SCN11A: variants seen among roughly 807,000 people sequenced by gnomAD.
SCN11A encodes sodium channel protein type 11 subunit alpha.
SCN11A carries 122 observed loss-of-function variants against 162.2 expected under a neutral mutation model. The observed-to-expected ratio is 0.75, with a 90% confidence interval of 0.65 to 0.87. The LOEUF (loss-of-function observed/expected upper bound fraction) is 0.87. Ranked by LOEUF, SCN11A falls within the 40% of genes least tolerant of loss-of-function variation. The pLI is 0.00. For missense variants in SCN11A, 2,015 were observed against 2,181.6 expected, an observed-to-expected ratio of 0.92 and a Z score of 1.52; for synonymous variants, 758 against 751.5, an observed-to-expected ratio of 1.01 and a Z score of -0.14.
chr3:38,987,303 T>TCA (rs57092499), intron 2 of SCN11A, among the ~76,000 whole-genome samples: 5,692 of 104,332 alleles, frequency 0.055, 174 homozygotes, highest in Non-Finnish European at 0.075. Context: ...TCTCTCTCTC[T>TCA]CACACACACA....
At chr3:39,008,627 GC>G (rs1210209839) in intron 2 of SCN11A, among the ~76,000 whole-genome samples, 4 of 152,188 alleles carry the variant, frequency 2.6e-5, no homozygotes, top group Admixed American at 1.3e-4. Context: ...AGTGGCTCAT[GC>G]CTGTAATCCC....
At chr3:38,956,580 T>C (rs1259513262) in intron 3 of SCN11A, among the ~76,000 whole-genome samples, 1 of 152,182 alleles carries the variant, frequency 6.6e-6, no homozygotes, top group East Asian at 1.9e-4. Flanking sequence ...GTGCAGCAGA[T>C]AGTAACATCA....
chr3:38,966,066 T>C (rs1047828344), intron 2 of SCN11A, among the ~76,000 whole-genome samples: 9 of 152,236 alleles, frequency 5.9e-5, no homozygotes, highest in African/African-American at 2.2e-4. Flanking sequence ...GGCAGCTGGC[T>C]TAGTACCTGA....
chr3:38,903,682 A>G (rs1299127475), intron 16 of SCN11A, among the ~76,000 whole-genome samples, 183 bp downstream of exon 16: 2 of 152,160 alleles, frequency 1.3e-5, no homozygotes, highest in Non-Finnish European at 2.9e-5. Context: ...CTCAGGACAC[A>G]TGGACAGTTT....
chr3:39,047,377 C>T (rs529583786), intron 1 of SCN11A, among the ~76,000 whole-genome samples: 9 of 152,064 alleles, frequency 5.9e-5, no homozygotes, highest in Admixed American at 1.3e-4. Context: ...AAAATCAACA[C>T]GAAATGGATT....
At chr3:38,926,077 A>C (rs2066136131) in intron 8 of SCN11A, among the ~76,000 whole-genome samples, 1 of 152,242 alleles carries the variant, frequency 6.6e-6, no homozygotes, top group South Asian at 2.1e-4. Flanking sequence ...TGCCTGGTAC[A>C]TATTGAATGA....
At chr3:38,874,037 T>C (rs1414953841) in intron 23 of SCN11A, among the ~76,000 whole-genome samples, 1 of 152,148 alleles carries the variant, frequency 6.6e-6, no homozygotes, top group Non-Finnish European at 1.5e-5. Flanking sequence ...ACTGGGCAGA[T>C]GTGTGCATTT....
At chr3:39,013,594 T>C (rs1229588599) in intron 2 of SCN11A, among the ~76,000 whole-genome samples, 2 of 152,224 alleles carry the variant, frequency 1.3e-5, no homozygotes, top group African/African-American at 2.4e-5. Context: ...AGGATCAGCA[T>C]AGCCCACCCT....
At chr3:38,998,066 A>T (rs1360101645) in intron 2 of SCN11A, among the ~76,000 whole-genome samples, 1 of 152,222 alleles carries the variant, frequency 6.6e-6, no homozygotes, top group African/African-American at 2.4e-5. Context: ...TTGCTTTAAC[A>T]ACTCCCTCCC....
intron 7 of SCN11A, among the ~76,000 whole-genome samples, chr3:38,937,889 C>T (rs2066362283): frequency 6.6e-6 from 1 of 152,112 alleles, no homozygotes; most frequent in Non-Finnish European, 1.5e-5. Flanking sequence ...GGTATATACC[C>T]AAAGGACTAT....
At chr3:38,851,074 A>G (rs1473778452) in intron 28 of SCN11A, among the ~76,000 whole-genome samples, 1 of 152,226 alleles carries the variant, frequency 6.6e-6, no homozygotes, top group East Asian at 1.9e-4. Flanking sequence ...GAAATAAAAC[A>G]GTGCATGTTG....
chr3:38,850,559 T>C lies in SCN11A; in HGVS notation c.4249A>G (p.Ile1417Val), dbSNP rs370425874. 3.1e-6 allele frequency: 5 copies of C among 1,613,734 alleles called. No homozygotes were observed. In the African/African-American group the frequency reaches 5.3e-5, roughly 17 times the overall value. The change falls in exon 29 of 30, where the codon ATC (isoleucine) becomes GTC (valine). Residue 1417 changes from isoleucine to valine, a missense_variant. By Grantham distance (29) the Ile-to-Val change is conservative. Coordinates refer to ENST00000302328, the MANE Select transcript of SCN11A (RefSeq NM_001349253.2). ...AAGTAGTATTGCCTCAAAGCAAAGATTTTGATGAGACATTCTAACGTAAAG... is the reference window on the plus strand; with the variant it reads ...AAGTAGTATTGCCTCAAAGCAAAGACTTTGATGAGACATTCTAACGTAAAG... ...VIFTLECLIK[I>V]FALRQYYFTN...
chr3:38,946,628 CT>C (rs1419995391), intron 6 of SCN11A, among the ~76,000 whole-genome samples, 160 bp downstream of exon 6: 2 of 152,256 alleles, frequency 1.3e-5, no homozygotes, highest in African/African-American at 2.4e-5. Flanking sequence ...GAGACGACAT[CT>C]TGCTCACATC....
intron 3 of SCN11A, among the ~76,000 whole-genome samples, chr3:38,959,217 A>C (rs755359118): frequency 6.6e-6 from 1 of 152,138 alleles, no homozygotes; most frequent in Non-Finnish European, 1.5e-5. Context: ...TTCCCCCAGA[A>C]ATCTACAAGG....
chr3:38,924,172 A>G (rs2066098410), intron 9 of SCN11A, among the ~76,000 whole-genome samples: 1 of 150,676 alleles, frequency 6.6e-6, no homozygotes, highest in Non-Finnish European at 1.5e-5. Context: ...AACAGCTCCC[A>G]TTTCTTCAGA....
At chr3:38,883,863 AT>A (rs1209902344) in intron 21 of SCN11A, among the ~76,000 whole-genome samples, 1 of 152,130 alleles carries the variant, frequency 6.6e-6, no homozygotes, top group East Asian at 1.9e-4. Context: ...TTATGCAGCA[AT>A]TTTTTTGGTA....
intron 23 of SCN11A, among the ~76,000 whole-genome samples, chr3:38,874,947 A>G (rs1014707516): frequency 6.6e-6 from 1 of 152,152 alleles, no homozygotes; most frequent in Non-Finnish European, 1.5e-5. Context: ...AAAAATTATG[A>G]TGGTAATTTT....
rs2065124035 is a variant in SCN11A, at chr3:38,871,463, G to A, written c.3741C>T (p.Tyr1247=). 6.2e-7 allele frequency: 1 copy of A among 1,609,696 alleles called. No homozygotes were observed. The highest frequency in any genetic ancestry group is 8.5e-7 in the Non-Finnish European group (1 of 1,178,148). ...KVNFDNVGNA[Y]LALLQVATFK... Reference sequence around the variant, plus strand: ...TACTTACCACTTGCAGCAGAGCGAGGTAAGCATTTCCCACATTGTCAAAGT... The same window carrying A: ...TACTTACCACTTGCAGCAGAGCGAGATAAGCATTTCCCACATTGTCAAAGT... Residue 1247 remains tyrosine, a synonymous_variant, in exon 25 of 30, where the codon TAC becomes TAT. Transcript: ENST00000302328.
rs1467393575 is a variant in SCN11A at position 38,846,198 on chromosome 3, C to T, written c.*496G>A. 2 of 156,190 alleles carry T rather than the reference C, an allele frequency of 1.3e-5. No individual in the cohort carries two copies. The highest frequency in any genetic ancestry group is 2.8e-5 in the Non-Finnish European group (2 of 70,274). The allele number at this position is 156,190 out of a possible 1,614,324, so 9.7% of individuals were successfully genotyped here. A position where few individuals can be genotyped will look rare whatever the true frequency, so the allele number is the denominator to read the frequency against. ...GCACGATCTTGGCTCACTGCAACCT[C>T]CGTCTCCCAGGTTTAAGCGATTCTC... On this transcript the variant is annotated 3_prime_UTR_variant, in exon 30 of 30. Coordinates refer to ENST00000302328, the MANE Select transcript of SCN11A (RefSeq NM_001349253.2).
Sources: allele counts gnomAD v4.1 joint callset (sites outside exome capture counted in the v4.1 genomes callset), GRCh38; gene constraint gnomAD v4.1.1; transcripts MANE v1.5; gene names NCBI Gene and HGNC (gene_info 2026-07-23, HGNC 2026-07-21).